The following DESI2 variants were observed in gnomAD, a reference collection of about 807,000 sequenced individuals.
DESI2 encodes the protein deubiquitinase DESI2.
A neutral mutation model predicts 24.1 loss-of-function variants in DESI2; 10 were observed. That is an observed-to-expected ratio of 0.41 (90% CI 0.26 to 0.70). The LOEUF is 0.70. DESI2 is among the 30% of genes least tolerant of loss of function. The pLI, the probability that DESI2 is intolerant of heterozygous loss-of-function variation, is 0.29. For missense variants in DESI2, 122 were observed against 234.9 expected (o/e 0.52, Z 3.14); for synonymous variants, 71 against 87.7 (o/e 0.81, Z 1.06).
intron 1 of DESI2, among the ~76,000 whole-genome samples, chr1:244,665,384 A>T (rs66504606): frequency 0.23 from 35,463 of 151,826 alleles, 4,199 homozygotes; most frequent in South Asian, 0.32. Context: ...TCCCCTCCAT[A>T]ACCCAGAAAT....
At chr1:244,704,243 T>C (rs1677602320) in intron 4 of DESI2, among the ~76,000 whole-genome samples, 1 of 152,234 alleles carries the variant, frequency 6.6e-6, no homozygotes, top group Admixed American at 6.5e-5. Context: ...CCAAAGTTAT[T>C]ACCTAAGATA....
rs112071767 is a variant in DESI2, at chr1:244,671,035, C to T, written c.43-15562C>T. On this transcript the variant is annotated intron_variant, in intron 1 of 4. Transcript: ENST00000302550. ...GAAAGAGATCCTTGGATTAAACTGA[C>T]CAAATGATATCTTCGGTACAAATGG... Among the ~76,000 whole-genome samples, 829 of 152,226 alleles carry T rather than the reference C, an allele frequency of 5.4e-3. 6 individuals carry two copies. Among genetic ancestry groups the T allele is most frequent in the African/African-American group, 0.019 (774 of 41,534 alleles).
chr1:244,655,319 T>G (rs1263970257), intron 1 of DESI2, among the ~76,000 whole-genome samples: 1 of 152,246 alleles, frequency 6.6e-6, no homozygotes, highest in African/African-American at 2.4e-5. Context: ...TCTTCTCTAC[T>G]AATTCCTGCA....
intron 2 of DESI2, among the ~76,000 whole-genome samples, chr1:244,688,981 T>C (rs1676921095): frequency 6.6e-6 from 1 of 152,346 alleles, no homozygotes; most frequent in Admixed American, 6.5e-5. Flanking sequence ...TATACCTCTG[T>C]GTGTTGATCA....
intron 4 of DESI2, among the ~76,000 whole-genome samples, chr1:244,698,104 C>G (rs890601383): frequency 6.6e-5 from 10 of 152,212 alleles, no homozygotes; most frequent in African/African-American, 1.4e-4. Context: ...GTTATTACAT[C>G]TATGGATATA....
chr1:244,653,153 GCGGCTCGGCTGCCCGATGCTTC>G lies in DESI2; in HGVS notation c.-158_-137del, dbSNP rs1675514818. On this transcript the variant is annotated 5_prime_UTR_variant, in exon 1 of 5. It removes an upstream start codon present in the reference 5' UTR. Transcript: ENST00000302550. ...ACGCTCCTGTCGGCGGCGCCCGGGA[GCGGCTCGGCTGCCCGATGCTTC>G]CGCCCCGGCTGCCGCGGGCCGGGCT... 1.6e-6 allele frequency: 1 copy of G among 634,392 alleles called. No individual in the cohort carries two copies. The highest frequency in any genetic ancestry group is 1.9e-5 in the African/African-American group (1 of 52,278). 39.3% of individuals were successfully genotyped at this position (634,392 alleles called of 1,614,324 possible).
chr1:244,698,020 G>A (rs979983439), intron 4 of DESI2, among the ~76,000 whole-genome samples: 2 of 152,208 alleles, frequency 1.3e-5, no homozygotes, highest in African/African-American at 4.8e-5. Context: ...GCAAGGGGTC[G>A]AATACATCTG....
At chr1:244,661,874 G>A (rs1343284504) in intron 1 of DESI2, among the ~76,000 whole-genome samples, 4 of 152,162 alleles carry the variant, frequency 2.6e-5, no homozygotes, top group African/African-American at 4.8e-5. Flanking sequence ...AAACATACGT[G>A]TGCATGTGTC....
intron 4 of DESI2, among the ~76,000 whole-genome samples, chr1:244,702,814 G>A (rs1038399356): frequency 6.6e-6 from 1 of 152,132 alleles, no homozygotes; most frequent in Non-Finnish European, 1.5e-5. Flanking sequence ...TATGGAGGAG[G>A]GTAGATTACT....
At chr1:244,665,162 C>A (rs1277496384) in intron 1 of DESI2, among the ~76,000 whole-genome samples, 1 of 151,740 alleles carries the variant, frequency 6.6e-6, no homozygotes, top group Admixed American at 6.6e-5. Flanking sequence ...GATATTAATA[C>A]CTGATTTTTT....
intron 1 of DESI2, 122 bp downstream of exon 1, chr1:244,653,477 G>T: frequency 1.0e-6 from 1 of 962,508 alleles, no homozygotes. Context: ...CTAGTTCTCG[G>T]GGGAAGCCGG....
chr1:244,689,723 TAGTCTTG>T lies in DESI2; in HGVS notation c.209+383_209+389del. 6.6e-6 allele frequency among the ~76,000 whole-genome samples: 1 copy of T among 152,110 alleles called. No individual in the cohort carries two copies. Among genetic ancestry groups the T allele is most frequent in the East Asian group, 1.9e-4 (1 of 5,192 alleles). On this transcript the variant is annotated intron_variant, in intron 3 of 4. Transcript: ENST00000302550. This position sits in a 1 kb window ranked among gnomAD's most constrained non-coding sequence, Gnocchi z 4.0. ...TGGAGTTTCGCCATGTTGGCCAGGCTAGTCTTGAACTCCTGACCTCAGGTGATCCACC... is the reference window on the plus strand; with the variant it reads ...TGGAGTTTCGCCATGTTGGCCAGGCTAACTCCTGACCTCAGGTGATCCACC...
intron 1 of DESI2, among the ~76,000 whole-genome samples, chr1:244,686,250 C>CTGTGTGTGTGTGTGTGTG (rs767500032): frequency 4.0e-5 from 6 of 150,394 alleles, no homozygotes; most frequent in African/African-American, 1.5e-4. Flanking sequence ...AAAGCACACT[C>CTGTGTGTGTGTGTGTGTG]TGTGTGTGTG....
intron 1 of DESI2, among the ~76,000 whole-genome samples, chr1:244,668,605 G>A (rs1411673574): frequency 2.0e-5 from 3 of 152,176 alleles, no homozygotes; most frequent in African/African-American, 7.2e-5. Context: ...TGGAAGTCAG[G>A]CCCAGGCCCT....
chr1:244,653,724 A>AC (rs563109084), intron 1 of DESI2: 1 of 354,100 alleles, frequency 2.8e-6, no homozygotes, highest in East Asian at 7.4e-5. Flanking sequence ...CTGCCCCGGG[A>AC]CCCCCGTCCC....
At chr1:244,659,618 A>G (rs1470634951) in intron 1 of DESI2, among the ~76,000 whole-genome samples, 1 of 152,118 alleles carries the variant, frequency 6.6e-6, no homozygotes, top group Non-Finnish European at 1.5e-5. Context: ...ACTTTCCTCC[A>G]CATCTGTCCT....
At chr1:244,657,371 C>T (rs1675684343) in intron 1 of DESI2, among the ~76,000 whole-genome samples, 1 of 152,226 alleles carries the variant, frequency 6.6e-6, no homozygotes, top group African/African-American at 2.4e-5. Flanking sequence ...AACTTCTTCC[C>T]TTTCCTCCTG....
In DESI2 at chr1:244,689,573, G is replaced by A. The variant is rs1028373986; in HGVS notation, c.209+231G>A. Among the ~76,000 whole-genome samples the A allele has an allele frequency of 2.0e-5, 3 of 151,822 alleles. No homozygotes were observed. Among genetic ancestry groups the A allele is most frequent in the Non-Finnish European group, 4.4e-5 (3 of 68,000 alleles). On this transcript the variant is annotated intron_variant, in intron 3 of 4. Coordinates refer to ENST00000302550, the MANE Select transcript of DESI2 (RefSeq NM_016076.5). The surrounding 1 kb of genome is among the most constrained non-coding windows in gnomAD (Gnocchi z 4.0). ...CTCCCAGGCTGGAGAGAAGTGGCGT[G>A]ATCTCAGCTCACTGCAGCGTCCGCC...
chr1:244,673,227 C>T (rs1573194916), intron 1 of DESI2, among the ~76,000 whole-genome samples: 1 of 152,138 alleles, frequency 6.6e-6, no homozygotes, highest in Admixed American at 6.5e-5. Context: ...ATCTAGGAAG[C>T]CCTAACAGGA....
Sources: allele counts gnomAD v4.1 joint callset (sites outside exome capture counted in the v4.1 genomes callset), GRCh38; gene constraint gnomAD v4.1.1; non-coding constraint Gnocchi (gnomAD v3.1); transcripts MANE v1.5; gene names NCBI Gene and HGNC (gene_info 2026-07-23, HGNC 2026-07-21).